DEUP1: variants seen among roughly 807,000 people sequenced by gnomAD.
DEUP1 encodes coiled-coil domain containing 67.
In DEUP1, 82 loss-of-function variants were observed where a neutral mutation model predicts 87.4. The ratio of observed to expected loss-of-function variants is 0.94; its 90% CI spans 0.78 to 1.13. The LOEUF is 1.13. DEUP1 is among the 50% of genes most tolerant of loss of function. The pLI is 0.00. For missense variants in DEUP1, 663 were observed against 681.5 expected (o/e 0.97, Z 0.30); for synonymous variants, 214 against 222.7 (o/e 0.96, Z 0.35).
intron 7 of DEUP1, among the ~76,000 whole-genome samples, chr11:93,381,258 T>A (rs947505139): frequency 4.6e-5 from 7 of 152,158 alleles, no homozygotes; most frequent in African/African-American, 1.7e-4. Flanking sequence ...TTTACAAAAT[T>A]TATATTTTAC....
intron 2 of DEUP1, among the ~76,000 whole-genome samples, chr11:93,342,264 G>A (rs1944120392): frequency 6.6e-6 from 1 of 152,084 alleles, no homozygotes; most frequent in Admixed American, 6.5e-5. Context: ...ATCCTGACGG[G>A]GAAGCTCTGG....
At chr11:93,387,532 T>C (rs1193935728) in intron 8 of DEUP1, among the ~76,000 whole-genome samples, 1 of 152,148 alleles carries the variant, frequency 6.6e-6, no homozygotes, top group African/African-American at 2.4e-5. Flanking sequence ...ACATGACAAA[T>C]AATAGTTCCC....
intron 6 of DEUP1, among the ~76,000 whole-genome samples, chr11:93,370,501 G>T (rs1249347846): frequency 6.6e-6 from 1 of 152,164 alleles, no homozygotes; most frequent in Non-Finnish European, 1.5e-5. Context: ...CTGGCTACTT[G>T]TAAGACTGAA....
At chr11:93,434,708 A>G (rs1170263016) in intron 13 of DEUP1, among the ~76,000 whole-genome samples, 2 of 152,208 alleles carry the variant, frequency 1.3e-5, no homozygotes, top group African/African-American at 2.4e-5. Flanking sequence ...CTAAAGATAC[A>G]TAGACAGAAA....
At chr11:93,381,988 T>A (rs1057266104) in intron 7 of DEUP1, among the ~76,000 whole-genome samples, 4 of 152,188 alleles carry the variant, frequency 2.6e-5, no homozygotes, top group Admixed American at 6.5e-5. Context: ...ATGCTAAGTA[T>A]TCATCTGAAG....
At chr11:93,393,538 C>T (rs550521904) in intron 9 of DEUP1, among the ~76,000 whole-genome samples, 1 of 152,174 alleles carries the variant, frequency 6.6e-6, no homozygotes, top group South Asian at 2.1e-4. Flanking sequence ...GTCTGATGAC[C>T]CTTCCTCTGG....
intron 4 of DEUP1, 43 bp downstream of exon 4, chr11:93,357,086 A>G: frequency 8.4e-7 from 1 of 1,184,788 alleles, no homozygotes; most frequent in Non-Finnish European, 1.2e-6. Context: ...ATTTTGATAT[A>G]TTTTTTTTTA....
chr11:93,364,235 T>C lies in DEUP1; in HGVS notation c.373T>C (p.Leu125=), dbSNP rs372309586. 3.7e-6 allele frequency: 6 copies of C among 1,609,700 alleles called. No homozygotes were observed. The highest frequency in any genetic ancestry group is 5.1e-6 in the Non-Finnish European group (6 of 1,176,558). Residue 125 remains leucine (L), a synonymous_variant, in exon 5 of 14, where the codon TTA becomes CTA. Coordinates refer to ENST00000298050, the MANE Select transcript of DEUP1 (RefSeq NM_181645.4). ...MKQNKVPRKE[L]PHLKEEIPFE... The stretch of plus-strand genomic sequence containing the variant: ...ACAAAACAAAGTTCCACGAAAAGAA[T>C]TACCACACCTTAAAGAAGAAATACC...
At chr11:93,396,672 G>A (rs1946955779) in intron 11 of DEUP1, among the ~76,000 whole-genome samples, 1 of 152,144 alleles carries the variant, frequency 6.6e-6, no homozygotes. Context: ...AGCCACCCCT[G>A]AAACCCCAGT....
chr11:93,388,551 G>A (rs1013199568), intron 8 of DEUP1, among the ~76,000 whole-genome samples: 2 of 152,108 alleles, frequency 1.3e-5, no homozygotes, highest in Admixed American at 6.5e-5. Flanking sequence ...ATGTATTTGA[G>A]TACTCTCTGG....
intron 7 of DEUP1, among the ~76,000 whole-genome samples, chr11:93,379,901 C>T (rs1946218494): frequency 6.6e-6 from 1 of 152,164 alleles, no homozygotes; most frequent in Non-Finnish European, 1.5e-5. Context: ...AATCCAGCTA[C>T]TCATAGAAGT....
intron 11 of DEUP1, among the ~76,000 whole-genome samples, chr11:93,399,193 C>T (rs925081265): frequency 6.6e-6 from 1 of 151,154 alleles, no homozygotes; most frequent in African/African-American, 2.4e-5. Flanking sequence ...ATATATATTT[C>T]TTCTAAATAT....
chr11:93,354,130 G>T (rs933797853), intron 2 of DEUP1, among the ~76,000 whole-genome samples: 1 of 152,116 alleles, frequency 6.6e-6, no homozygotes, highest in African/African-American at 2.4e-5. Flanking sequence ...ATGCTTTGCT[G>T]CTTAGAAATT....
At chr11:93,391,132 C>A (rs1466536081) in intron 9 of DEUP1, among the ~76,000 whole-genome samples, 1 of 148,706 alleles carries the variant, frequency 6.7e-6, no homozygotes, top group Non-Finnish European at 1.5e-5. Flanking sequence ...CATTTTAATT[C>A]TTTTGTAATA....
intron 2 of DEUP1, among the ~76,000 whole-genome samples, chr11:93,342,721 T>C (rs1944142010): frequency 6.6e-6 from 1 of 152,180 alleles, no homozygotes; most frequent in Admixed American, 6.5e-5. Context: ...AAAGGAAGGA[T>C]AGATATTGGG....
intron 13 of DEUP1, among the ~76,000 whole-genome samples, chr11:93,420,024 A>G (rs1275790759): frequency 1.3e-5 from 2 of 152,164 alleles, no homozygotes; most frequent in African/African-American, 2.4e-5. Context: ...AAACCATTCC[A>G]ATCAATAGAA....
At chr11:93,352,241 A>T in intron 2 of DEUP1, 1 of 650,874 alleles carries the variant, frequency 1.5e-6, no homozygotes, top group South Asian at 1.7e-5. Flanking sequence ...CCTCACTACC[A>T]TCATTGAAAT....
At chr11:93,368,828 C>G (rs531223135) in intron 5 of DEUP1, among the ~76,000 whole-genome samples, 1 of 152,084 alleles carries the variant, frequency 6.6e-6, no homozygotes, top group African/African-American at 2.4e-5. Flanking sequence ...CCCAGCTACT[C>G]AGGAGGCTGA....
At chr11:93,436,295 G>A (rs1948247426) in intron 13 of DEUP1, among the ~76,000 whole-genome samples, 1 of 152,146 alleles carries the variant, frequency 6.6e-6, no homozygotes, top group South Asian at 2.1e-4. Flanking sequence ...TGTTCCATGT[G>A]ATAGTCTTTG....
Sources: gnomAD v4.1 joint callset for allele counts (sites outside exome capture counted in the v4.1 genomes callset) on GRCh38, gnomAD v4.1.1 for gene constraint, MANE v1.5 for transcripts, NCBI Gene and HGNC (gene_info 2026-07-23, HGNC 2026-07-21) for gene names.